The following SV2C variants were observed in gnomAD, a reference collection of about 807,000 sequenced individuals.
SV2C encodes solute carrier family 22 member B3.
A neutral mutation model predicts 79.7 loss-of-function variants in SV2C; 49 were observed. The ratio of observed to expected loss-of-function variants is 0.61; its 90% CI spans 0.49 to 0.78. The LOEUF (loss-of-function observed/expected upper bound fraction) is 0.78, where lower values mean the gene tolerates loss of function less well. Among genes scored for constraint, SV2C ranks in the 30% least tolerant of loss-of-function variants. SV2C has a pLI of 0.00. For synonymous variants in SV2C, 334 were observed against 333.2 expected (o/e 1.00, Z -0.03); for missense variants, 833 against 912.9 (o/e 0.91, Z 1.13).
chr5:75,985,814 T>C, the SV2C span, among the ~76,000 whole-genome samples: 1 of 151,948 alleles, frequency 6.6e-6, no homozygotes, highest in East Asian at 1.9e-4. Context: ...AGATAGAGAA[T>C]GCTAAAGGGC....
At chr5:76,175,922 G>A (rs1743512659) in intron 2 of SV2C, among the ~76,000 whole-genome samples, 1 of 152,142 alleles carries the variant, frequency 6.6e-6, no homozygotes, top group South Asian at 2.1e-4. Context: ...TCCGCATGGG[G>A]ATGGGTCAGG....
At chr5:76,016,384 A>C in the SV2C span, among the ~76,000 whole-genome samples, 1 of 151,818 alleles carries the variant, frequency 6.6e-6, no homozygotes, top group South Asian at 2.1e-4. Flanking sequence ...ACCAACCTGG[A>C]GAGGGGCAGT....
chr5:75,915,422 C>T, the SV2C span, among the ~76,000 whole-genome samples: 1 of 152,140 alleles, frequency 6.6e-6, no homozygotes, highest in South Asian at 2.1e-4. Context: ...TTTAGTAATT[C>T]CTTTTAAAGT....
At chr5:76,000,854 C>T in the SV2C span, among the ~76,000 whole-genome samples, 2 of 152,160 alleles carry the variant, frequency 1.3e-5, no homozygotes, top group Non-Finnish European at 2.9e-5. Context: ...TCCCCTTCAT[C>T]TACCCACTGT....
At chr5:76,320,184 T>A (rs771987835) in intron 12 of SV2C, among the ~76,000 whole-genome samples, 1 of 148,364 alleles carries the variant, frequency 6.7e-6, no homozygotes, top group Non-Finnish European at 1.5e-5. Context: ...GTGAAAGAAG[T>A]CAGTCTTTAA....
chr5:75,913,467 GA>G, the SV2C span, among the ~76,000 whole-genome samples: 16 of 152,188 alleles, frequency 1.1e-4, no homozygotes, highest in Non-Finnish European at 1.5e-4. Flanking sequence ...GGAAAGCGGG[GA>G]AATGATTAGA....
At chr5:75,890,335 A>G in the SV2C span, among the ~76,000 whole-genome samples, 1 of 152,090 alleles carries the variant, frequency 6.6e-6, no homozygotes, top group Non-Finnish European at 1.5e-5. Flanking sequence ...CATAGAATAC[A>G]GTTATAGTCT....
At chr5:76,302,224 G>C (rs1424001261) in intron 12 of SV2C, among the ~76,000 whole-genome samples, 2 of 152,196 alleles carry the variant, frequency 1.3e-5, no homozygotes, top group African/African-American at 4.8e-5. Context: ...TAGGTTTGCA[G>C]ATGTGTCTGC....
chr5:76,121,124 A>C (rs1221757430), intron 1 of SV2C, among the ~76,000 whole-genome samples: 1 of 150,870 alleles, frequency 6.6e-6, no homozygotes, highest in Non-Finnish European at 1.5e-5. Context: ...GCCAGTGATG[A>C]TGAGCATTTT....
At chr5:76,164,738 G>GTGTGTGTGTA (rs1742997684) in intron 2 of SV2C, among the ~76,000 whole-genome samples, 1 of 151,692 alleles carries the variant, frequency 6.6e-6, no homozygotes, top group Non-Finnish European at 1.5e-5. Context: ...GTGTGTGTGT[G>GTGTGTGTGTA]TGTGTGTGTG....
chr5:76,055,824 T>C, the SV2C span, among the ~76,000 whole-genome samples: 1 of 152,190 alleles, frequency 6.6e-6, no homozygotes, highest in East Asian at 1.9e-4. Context: ...ATAGGAATGC[T>C]TGTGATTTTT....
the SV2C span, among the ~76,000 whole-genome samples, chr5:75,880,188 C>CTT: frequency 3.4e-5 from 5 of 146,758 alleles, no homozygotes; most frequent in Admixed American, 1.4e-4. Context: ...CCTTCAATGC[C>CTT]TTTTTTTTTT....
intron 4 of SV2C, among the ~76,000 whole-genome samples, chr5:76,264,881 C>T (rs1221480988): frequency 1.3e-5 from 2 of 152,282 alleles, no homozygotes; most frequent in South Asian, 2.1e-4. Flanking sequence ...AACCCCTGTT[C>T]GGAGGTCTCT....
chr5:76,275,598 G>A (rs1421887721), intron 4 of SV2C, among the ~76,000 whole-genome samples: 1 of 152,168 alleles, frequency 6.6e-6, no homozygotes, highest in Non-Finnish European at 1.5e-5. Flanking sequence ...ATGAAAGCCA[G>A]CATCCTTGTA....
chr5:76,251,365 A>AGAC (rs1746112713), intron 4 of SV2C, among the ~76,000 whole-genome samples: 1 of 152,084 alleles, frequency 6.6e-6, no homozygotes. Context: ...CAATATGACA[A>AGAC]GACCCTGTCT....
chr5:76,193,359 T>A lies in SV2C; in HGVS notation c.581-1560T>A, dbSNP rs147590693. Among the ~76,000 whole-genome samples the A allele has an allele frequency of 5.2e-3, 787 of 152,210 alleles. 6 individuals carry two copies. Among genetic ancestry groups the A allele is most frequent in the African/African-American group, 0.017 (724 of 41,516 alleles). On this transcript the variant is annotated intron_variant, in intron 2 of 12. Coordinates refer to ENST00000502798, the MANE Select transcript of SV2C (RefSeq NM_014979.4). ...TGGATGGTGATAGTCTAGGGGGCAG[T>A]AGGAATCTTGGTTAACCTGCCTTGC...
At chr5:75,929,075 C>A in the SV2C span, among the ~76,000 whole-genome samples, 1 of 152,078 alleles carries the variant, frequency 6.6e-6, no homozygotes. Flanking sequence ...GAGGCCTCCC[C>A]CAAATCATTA....
intron 2 of SV2C, among the ~76,000 whole-genome samples, chr5:76,175,583 G>C (rs1397732435): frequency 6.6e-6 from 1 of 152,176 alleles, no homozygotes; most frequent in Non-Finnish European, 1.5e-5. Flanking sequence ...ACAACTTCCT[G>C]TTTGCAGCTC....
At chr5:76,115,205 C>A (rs528758893) in intron 1 of SV2C, among the ~76,000 whole-genome samples, 1 of 152,302 alleles carries the variant, frequency 6.6e-6, no homozygotes, top group South Asian at 2.1e-4. Context: ...ATATGGATGG[C>A]GTGACTGCTT....
Sources: gnomAD v4.1 joint callset for allele counts (sites outside exome capture counted in the v4.1 genomes callset) on GRCh38, gnomAD v4.1.1 for gene constraint, MANE v1.5 for transcripts, NCBI Gene and HGNC (gene_info 2026-07-23, HGNC 2026-07-21) for gene names.